The following DOLPP1 variants were observed in gnomAD, a reference collection of about 807,000 sequenced individuals.
DOLPP1 encodes dolichyl pyrophosphate phosphatase 1.
Under a neutral mutation model 34.1 loss-of-function variants are expected in DOLPP1, and 15 were observed. The ratio of observed to expected loss-of-function variants is 0.44; its 90% CI spans 0.29 to 0.68. The LOEUF is 0.68. Among genes scored for constraint, DOLPP1 ranks in the 30% least tolerant of loss-of-function variants. The probability of loss-of-function intolerance (pLI) is 0.12; values close to 1 mark genes in which losing one functional copy is unlikely to be tolerated. For synonymous variants in DOLPP1, 130 were observed against 128.2 expected (o/e 1.01, Z -0.10); for missense variants, 249 against 307.1 (o/e 0.81, Z 1.41).
Position 129,089,175 on chromosome 9 carries a change from C to T in DOLPP1, c.*168C>T, listed in dbSNP as rs1450505657. The T allele has an allele frequency of 1.1e-5, 7 of 622,560 alleles. No individual in the cohort carries two copies. The highest frequency in any genetic ancestry group is 1.8e-5 in the African/African-American group (1 of 54,154). 38.6% of individuals were successfully genotyped at this position (622,560 alleles called of 1,614,324 possible). On this transcript the variant is annotated 3_prime_UTR_variant, in exon 8 of 8. Coordinates refer to ENST00000372546, the MANE Select transcript of DOLPP1 (RefSeq NM_020438.5). This position sits in a 1 kb window ranked among gnomAD's most constrained non-coding sequence, Gnocchi z 4.9. ...TTAATGAACAAGGTGGACCAAAGGG[C>T]TGAACCAGCCCCTCAACCAGGACCC...
At chr9:129,088,147 G>GGGGGGGAT (rs1337497382) in intron 7 of DOLPP1, among the ~76,000 whole-genome samples, 2 of 132,850 alleles carry the variant, frequency 1.5e-5, no homozygotes, top group Non-Finnish European at 3.3e-5. Flanking sequence ...GGGGGAGGTG[G>GGGGGGGAT]GGGGGGATGG....
chr9:129,084,889 G>A (rs1039869730), intron 2 of DOLPP1, 121 bp downstream of exon 2: 8 of 1,258,078 alleles, frequency 6.4e-6, no homozygotes, highest in Admixed American at 1.9e-5. Context: ...CTTGAGGTGC[G>A]TGGAGCCTCC....
rs768563315 is a variant in DOLPP1 at position 129,085,467 on chromosome 9, G to A, written c.363-51G>A. 4.9e-5 allele frequency: 78 copies of A among 1,583,980 alleles called. No homozygotes were observed. The highest frequency in any genetic ancestry group is 6.7e-5 in the Non-Finnish European group (77 of 1,155,040). On this transcript the variant is annotated intron_variant, in intron 4 of 7. Transcript: ENST00000372546. This position sits in a 1 kb window ranked among gnomAD's most constrained non-coding sequence, Gnocchi z 7.0. ...GGATGGGGCCAGGGACTGTTTGGGA[G>A]GCCTGGGCTGGGCTGTGGGCTGAGG...
intron 1 of DOLPP1, among the ~76,000 whole-genome samples, chr9:129,083,503 G>T (rs1425868455): frequency 1.3e-5 from 2 of 152,184 alleles, no homozygotes; most frequent in East Asian, 3.8e-4. Context: ...GGTAGGATGG[G>T]CTGGGTAGGA....
At position 129,084,637 on chromosome 9, in the gene DOLPP1, G is replaced by A. The variant is rs752745586; in HGVS notation, c.77-31G>A. On this transcript the variant is annotated intron_variant, in intron 1 of 7. Transcript: ENST00000372546. Reference sequence around the variant, plus strand: ...GTCCCTCTTCTGATGCCTGTGCCCTGTCCTCCTGATTCTGTTCTCTGTCTT... The same window carrying A: ...GTCCCTCTTCTGATGCCTGTGCCCTATCCTCCTGATTCTGTTCTCTGTCTT... 6.1e-6 allele frequency: 9 copies of A among 1,471,730 alleles called. No homozygotes were observed. The South Asian group carries it at 1.0e-4, about 17-fold the overall frequency. The allele number at this position is 1,471,730 out of a possible 1,614,324, so 91.2% of individuals were successfully genotyped here.
intron 1 of DOLPP1, among the ~76,000 whole-genome samples, chr9:129,083,201 G>C (rs1846922892): frequency 6.6e-6 from 1 of 152,164 alleles, no homozygotes; most frequent in Non-Finnish European, 1.5e-5. Context: ...GAGGGGGCTT[G>C]GATCAGAGAG....
chr9:129,082,116 C>T (rs1846900650), intron 1 of DOLPP1, among the ~76,000 whole-genome samples: 1 of 152,210 alleles, frequency 6.6e-6, no homozygotes, highest in Non-Finnish European at 1.5e-5. Flanking sequence ...AAGACCCTCC[C>T]TGGGTAAGAT....
chr9:129,085,501 T>C lies in DOLPP1; in HGVS notation c.363-17T>C, dbSNP rs752333676. The C allele has an allele frequency of 1.9e-6, 3 of 1,611,614 alleles. No homozygotes were observed. Among genetic ancestry groups the C allele is most frequent in the Admixed American group, 1.7e-5 (1 of 59,884 alleles). On this transcript the variant is annotated splice_polypyrimidine_tract_variant and intron_variant, in intron 4 of 7. Transcript: ENST00000372546. This position sits in a 1 kb window ranked among gnomAD's most constrained non-coding sequence, Gnocchi z 7.0. ...TGGGCTGTGGGCTGAGGTCATCTGG[T>C]GGGCCTGTTTTCGCAGAATGCACCA...
chr9:129,081,144 G>A lies in DOLPP1; in HGVS notation c.13G>A (p.Gly5Arg), dbSNP rs1564147553. 1 of 1,609,112 alleles carries A rather than the reference G, an allele frequency of 6.2e-7. No homozygotes were observed. MAADGQCSLPASWRP... is the reference protein window; with the variant it reads MAADRQCSLPASWRP... ...GTCTCCGGGTAAGATGGCAGCGGAC[G>A]GACAGTGCTCGCTCCCCGCTTCATG... The change falls in exon 1 of 8, where the codon GGA (glycine) becomes AGA (arginine). Residue 5 changes from glycine to arginine, a missense_variant. Gly to Arg is a moderately radical substitution (Grantham distance 125, BLOSUM62 -2). Transcript: ENST00000372546.
In DOLPP1 at chr9:129,089,224, C is replaced by T. The variant is rs1017132851; in HGVS notation, c.*217C>T. 9 of 503,722 alleles carry T rather than the reference C, an allele frequency of 1.8e-5. No homozygotes were observed. The highest frequency in any genetic ancestry group is 5.2e-5 in the South Asian group (2 of 38,812). 31.2% of individuals were successfully genotyped at this position (503,722 alleles called of 1,614,324 possible). A position where few individuals can be genotyped will look rare whatever the true frequency, so the allele number is the denominator to read the frequency against. ...CCTGGGGGGCCTGCTGCCTGGGGGC[C>T]GTGGCCAGAGACCCTCGCTGTGCTG... On this transcript the variant is annotated 3_prime_UTR_variant, in exon 8 of 8. Transcript: ENST00000372546. This position sits in a 1 kb window ranked among gnomAD's most constrained non-coding sequence, Gnocchi z 4.9.
At position 129,084,695 on chromosome 9, in the gene DOLPP1, A is replaced by G. The variant is rs1450340903; in HGVS notation, c.104A>G (p.Tyr35Cys). Reference protein sequence around the residue: ...AGDLSGHLLAYLSLSPVFVIV... With the variant: ...AGDLSGHLLACLSLSPVFVIV... ...GATCTCTCTGGCCACCTCCTTGCCT[A>G]CCTGAGCCTCAGCCCTGTATTTGTC... The change falls in exon 2 of 8, where the codon TAC becomes TGC. Residue 35 changes from tyrosine to cysteine, a missense_variant. Transcript: ENST00000372546. The G allele has an allele frequency of 6.2e-7, 1 of 1,613,634 alleles. No individual in the cohort carries two copies. Among genetic ancestry groups the G allele is most frequent in the Admixed American group, 1.7e-5 (1 of 60,012 alleles).
At chr9:129,081,249 G>A in intron 1 of DOLPP1, 42 bp downstream of exon 1, 1 of 1,601,684 alleles carries the variant, frequency 6.2e-7, no homozygotes, top group Non-Finnish European at 8.5e-7. Context: ...TCCCAGGGAC[G>A]GCCTCTCAGT....
chr9:129,088,210 G>A (rs543745187), intron 7 of DOLPP1, among the ~76,000 whole-genome samples: 2 of 150,822 alleles, frequency 1.3e-5, no homozygotes, highest in African/African-American at 4.9e-5. Flanking sequence ...TGGGGGAAAC[G>A]TTCTCAGCAG....
Position 129,085,771 on chromosome 9 carries a change from C to T in DOLPP1, c.461+155C>T, listed in dbSNP as rs1846977507. On this transcript the variant is annotated intron_variant, in intron 5 of 7. Transcript: ENST00000372546. The surrounding 1 kb of genome is among the most constrained non-coding windows in gnomAD (Gnocchi z 7.0). Reference sequence around the variant, plus strand: ...GACCTCTAGTTTTAAAAGGACAGGGCTCCAGCTGCCTCTTCTAGCCCAGTC... The same window carrying T: ...GACCTCTAGTTTTAAAAGGACAGGGTTCCAGCTGCCTCTTCTAGCCCAGTC... 6.6e-6 allele frequency among the ~76,000 whole-genome samples: 1 copy of T among 152,214 alleles called. No homozygotes were observed. Among genetic ancestry groups the T allele is most frequent in the African/African-American group, 2.4e-5 (1 of 41,446 alleles).
intron 1 of DOLPP1, 187 bp from the exon 2 acceptor site, chr9:129,084,481 C>A: frequency 1.5e-6 from 1 of 681,564 alleles, no homozygotes; most frequent in Admixed American, 2.1e-5. Context: ...AAGTAGTAGA[C>A]AGCATCACGT....
intron 1 of DOLPP1, 93 bp downstream of exon 1, chr9:129,081,300 C>T (rs1846882629): frequency 1.3e-6 from 2 of 1,487,878 alleles, no homozygotes; most frequent in African/African-American, 1.4e-5. Context: ...GAGGGGGCGC[C>T]GGGGGACCGG....
At chr9:129,088,435 G>A (rs1847035077) in intron 7 of DOLPP1, among the ~76,000 whole-genome samples, 1 of 152,070 alleles carries the variant, frequency 6.6e-6, no homozygotes, top group Admixed American at 6.5e-5. Context: ...CTAGAAAATG[G>A]GGGTGATTGG....
At chr9:129,086,403 CAG>C in intron 6 of DOLPP1, 136 bp downstream of exon 6, 1 of 1,166,626 alleles carries the variant, frequency 8.6e-7, no homozygotes, top group Non-Finnish European at 1.2e-6. Context: ...GGGTTTGTGG[CAG>C]AGACACAGGG....
chr9:129,082,385 C>T (rs561667218), intron 1 of DOLPP1, among the ~76,000 whole-genome samples: 2 of 152,252 alleles, frequency 1.3e-5, no homozygotes, highest in South Asian at 4.1e-4. Context: ...CTGAACACTT[C>T]TGAGTGCTAG....
Sources: gnomAD v4.1 joint callset for allele counts (sites outside exome capture counted in the v4.1 genomes callset) on GRCh38, gnomAD v4.1.1 for gene constraint, Gnocchi (gnomAD v3.1) non-coding constraint, MANE v1.5 for transcripts, NCBI Gene and HGNC (gene_info 2026-07-23, HGNC 2026-07-21) for gene names.